The following VAV3 variants were observed in gnomAD, a reference collection of about 807,000 sequenced individuals.
VAV3 encodes guanine nucleotide exchange factor VAV3.
VAV3 carries 94 observed loss-of-function variants against 131.2 expected under a neutral mutation model. The observed-to-expected ratio is 0.72, with a 90% CI of 0.61 to 0.85. The LOEUF (loss-of-function observed/expected upper bound fraction) is 0.85, where lower values mean the gene tolerates loss of function less well. Ranked by LOEUF, VAV3 falls within the 40% of genes least tolerant of loss-of-function variation. The pLI, the probability that VAV3 is intolerant of heterozygous loss-of-function variation, is 0.00. For missense variants in VAV3, 939 were observed against 1,002.7 expected (o/e 0.94, Z 0.86); for synonymous variants, 349 against 342.0 (o/e 1.02, Z -0.22).
At chr1:107,625,995 T>C (rs761347151) in intron 20 of VAV3, among the ~76,000 whole-genome samples, 1 of 152,146 alleles carries the variant, frequency 6.6e-6, no homozygotes, top group Non-Finnish European at 1.5e-5. Flanking sequence ...CTTTCTCCCA[T>C]AATGTTACTC....
At chr1:107,666,250 A>T (rs759452847) in intron 19 of VAV3, among the ~76,000 whole-genome samples, 2 of 152,228 alleles carry the variant, frequency 1.3e-5, no homozygotes, top group Non-Finnish European at 2.9e-5. Context: ...ATGAGCTACC[A>T]AAGTCACAGA....
At chr1:107,652,034 G>A (rs1268131206) in intron 19 of VAV3, among the ~76,000 whole-genome samples, 1 of 152,078 alleles carries the variant, frequency 6.6e-6, no homozygotes. Flanking sequence ...ATAGGAGCTG[G>A]GTAAAATAAG....
At chr1:107,708,184 A>C (rs186235057) in intron 15 of VAV3, among the ~76,000 whole-genome samples, 58 of 152,218 alleles carry the variant, frequency 3.8e-4, no homozygotes, top group Non-Finnish European at 6.6e-4. Context: ...TTGACATCAC[A>C]TTTAGTTGAG....
chr1:107,772,725 A>G lies in VAV3; in HGVS notation c.555+10T>C. 6.2e-7 allele frequency: 1 copy of G among 1,601,886 alleles called. No homozygotes were observed. Among genetic ancestry groups the G allele is most frequent in the Non-Finnish European group, 8.5e-7 (1 of 1,174,070 alleles). ...TTCAGAGTAACTTTAAAAACAAGTA[A>G]AAGTCCTACGGGCTGATGTGCTTCC... On this transcript the variant is annotated intron_variant, in intron 5 of 26. Coordinates refer to ENST00000370056, the MANE Select transcript of VAV3 (RefSeq NM_006113.5).
At chr1:107,746,204 C>T (rs1663332884) in intron 15 of VAV3, among the ~76,000 whole-genome samples, 1 of 152,168 alleles carries the variant, frequency 6.6e-6, no homozygotes, top group Non-Finnish European at 1.5e-5. Flanking sequence ...GGCTTTCCTA[C>T]ATGATGAACT....
intron 2 of VAV3, among the ~76,000 whole-genome samples, chr1:107,823,507 A>AT (rs1450224335): frequency 2.0e-5 from 3 of 152,170 alleles, no homozygotes; most frequent in African/African-American, 7.2e-5. Flanking sequence ...CATTAAAAAA[A>AT]AATAATAAAG....
chr1:107,859,684 C>T (rs1423398690), intron 2 of VAV3, among the ~76,000 whole-genome samples: 1 of 152,054 alleles, frequency 6.6e-6, no homozygotes, highest in African/African-American at 2.4e-5. Flanking sequence ...AATATAAATA[C>T]ATCAAAAATG....
At chr1:107,839,900 T>C (rs1668620955) in intron 2 of VAV3, among the ~76,000 whole-genome samples, 1 of 152,130 alleles carries the variant, frequency 6.6e-6, no homozygotes, top group African/African-American at 2.4e-5. Flanking sequence ...TGAACAACAC[T>C]ATGCCCACAA....
At chr1:107,929,732 T>C (rs1673331435) in intron 1 of VAV3, among the ~76,000 whole-genome samples, 1 of 152,184 alleles carries the variant, frequency 6.6e-6, no homozygotes. Context: ...TGCTTGTTTG[T>C]TTGCTTGTGC....
chr1:107,704,849 A>C, intron 16 of VAV3, 111 bp downstream of exon 16: 1 of 1,209,316 alleles, frequency 8.3e-7, no homozygotes, highest in Non-Finnish European at 1.2e-6. Context: ...CCAGACTGCT[A>C]AGGCAAATTC....
At chr1:107,677,215 C>A (rs556467797) in intron 19 of VAV3, among the ~76,000 whole-genome samples, 1 of 152,214 alleles carries the variant, frequency 6.6e-6, no homozygotes, top group East Asian at 1.9e-4. Flanking sequence ...CTACATAGAA[C>A]TGTAGTATAA....
At chr1:107,900,580 A>G (rs1234422329) in intron 1 of VAV3, among the ~76,000 whole-genome samples, 1 of 152,220 alleles carries the variant, frequency 6.6e-6, no homozygotes, top group Admixed American at 6.5e-5. Flanking sequence ...GTAAACCATG[A>G]GAGCATGTTG....
intron 2 of VAV3, among the ~76,000 whole-genome samples, chr1:107,792,319 T>C (rs553273504): frequency 1.3e-3 from 200 of 152,362 alleles, no homozygotes; most frequent in Non-Finnish European, 2.2e-3. Context: ...TATGGAAATA[T>C]AGATGCTGTC....
intron 15 of VAV3, among the ~76,000 whole-genome samples, chr1:107,730,554 T>C (rs147514752): frequency 3.0e-4 from 46 of 152,326 alleles, no homozygotes; most frequent in Middle Eastern, 3.4e-3. Flanking sequence ...GATCAAAAAA[T>C]CTTGAAATAA....
chr1:107,572,600 G>A lies in VAV3; in HGVS notation c.*731C>T, dbSNP rs766838325. 8 of 152,630 alleles carry A rather than the reference G, an allele frequency of 5.2e-5. No homozygotes were observed. Among genetic ancestry groups the A allele is most frequent in the Non-Finnish European group, 1.0e-4 (7 of 68,048 alleles). 9.5% of individuals were successfully genotyped at this position (152,630 alleles called of 1,614,324 possible). ...ATAATCCTATGAAATCATGAAGGTTGTGAAGGTTTAATATGAAGACACCCT... is the reference window on the plus strand; with the variant it reads ...ATAATCCTATGAAATCATGAAGGTTATGAAGGTTTAATATGAAGACACCCT... On this transcript the variant is annotated 3_prime_UTR_variant, in exon 27 of 27. Transcript: ENST00000370056.
chr1:107,874,914 C>T lies in VAV3; in HGVS notation c.308G>A (p.Arg103His), dbSNP rs372445365. 1.1e-4 allele frequency: 177 copies of T among 1,612,924 alleles called. No individual in the cohort carries two copies. Among genetic ancestry groups the T allele is most frequent in the Admixed American group, 3.3e-5 (2 of 59,878 alleles). Reference protein sequence around the residue: ...LFEAFDLFDVRDFGKVIETLS... With the variant: ...LFEAFDLFDVHDFGKVIETLS... ...AAGTATAATTACCTTTCCAAAGTCA[C>T]GAACATCAAACAAGTCAAATGCCTC... Residue 103 changes from arginine (R) to histidine (H), a missense_variant, in exon 2 of 27, where the codon CGT (arginine) becomes CAT (histidine). Physicochemically the swap from Arg to His is conservative, Grantham distance 29 (BLOSUM62 0). Transcript: ENST00000370056.
intron 2 of VAV3, among the ~76,000 whole-genome samples, chr1:107,820,184 G>A (rs937243068): frequency 6.6e-6 from 1 of 152,146 alleles, no homozygotes; most frequent in Non-Finnish European, 1.5e-5. Flanking sequence ...ACTGTTCACA[G>A]TATCTATGAT....
intron 2 of VAV3, among the ~76,000 whole-genome samples, chr1:107,826,669 A>G (rs185372717): frequency 1.3e-5 from 2 of 152,164 alleles, no homozygotes; most frequent in African/African-American, 4.8e-5. Flanking sequence ...AAGCTTCATG[A>G]TACTCAACAG....
intron 20 of VAV3, among the ~76,000 whole-genome samples, chr1:107,628,924 AT>A (rs1244937111): frequency 6.6e-6 from 1 of 152,212 alleles, no homozygotes; most frequent in Non-Finnish European, 1.5e-5. Flanking sequence ...GTGTAAAAAC[AT>A]TTTCACTTCT....
Sources: allele counts gnomAD v4.1 joint callset (sites outside exome capture counted in the v4.1 genomes callset), GRCh38; gene constraint gnomAD v4.1.1; transcripts MANE v1.5; gene names NCBI Gene and HGNC (gene_info 2026-07-23, HGNC 2026-07-21).